Variants in ADAMTSL1 observed in about 807,000 individuals in gnomAD.
ADAMTSL1 encodes ADAMTS like 1, also known as ADAMTS-like protein 1.
Under a neutral mutation model 201.8 loss-of-function variants are expected in ADAMTSL1, and 126 were observed. The observed-to-expected ratio is 0.62, with a 90% CI of 0.54 to 0.72. ADAMTSL1 has a LOEUF of 0.72. ADAMTSL1 is among the 30% of genes least tolerant of loss of function. The probability of loss-of-function intolerance (pLI) is 0.00; values close to 1 mark genes in which losing one functional copy is unlikely to be tolerated. For missense variants in ADAMTSL1, 2,679 were observed against 2,277.8 expected (o/e 1.18, Z -3.59); for synonymous variants, 1,121 against 903.4 (o/e 1.24, Z -4.32).
At position 17,986,478 on chromosome 9, in the gene ADAMTSL1, T is replaced by C. The variant is rs566047919; in HGVS notation, c.87+79556T>C. ...GTGGAAGAAAACTCAATGTGAACAA[T>C]TATCAGAAAGAAGAATGATCTGTAA... On this transcript the variant is annotated intron_variant, in intron 1 of 29. Transcript: ENST00000680146. Among the ~76,000 whole-genome samples the C allele has an allele frequency of 1.5e-3, 228 of 152,158 alleles. 2 individuals carry two copies. The highest frequency in any genetic ancestry group is 6.8e-3 in the Middle Eastern group (2 of 294).
At chr9:18,038,554 G>T (rs981699477) in intron 1 of ADAMTSL1, among the ~76,000 whole-genome samples, 2 of 152,130 alleles carry the variant, frequency 1.3e-5, no homozygotes, top group African/African-American at 4.8e-5. Flanking sequence ...TGTATCTTTT[G>T]TGTCTGCTAT....
intron 1 of ADAMTSL1, among the ~76,000 whole-genome samples, chr9:18,018,089 A>G (rs1000776713): frequency 5.3e-5 from 8 of 152,076 alleles, no homozygotes; most frequent in Non-Finnish European, 1.0e-4. Context: ...GTAAAAAGAA[A>G]CTACACATAT....
intron 2 of ADAMTSL1, among the ~76,000 whole-genome samples, chr9:18,283,913 G>C (rs1349105132): frequency 8.9e-5 from 1 of 11,186 alleles, no homozygotes; most frequent in African/African-American, 3.9e-4. Context: ...GCAAGACTCC[G>C]TCTAAAAAAA....
At chr9:18,346,686 T>C (rs903137590) in intron 2 of ADAMTSL1, among the ~76,000 whole-genome samples, 1 of 152,182 alleles carries the variant, frequency 6.6e-6, no homozygotes, top group Non-Finnish European at 1.5e-5. Flanking sequence ...GCTAGTTGGA[T>C]TCTTTCCTTT....
chr9:18,211,358 G>A (rs993316687), intron 2 of ADAMTSL1, among the ~76,000 whole-genome samples: 1 of 152,082 alleles, frequency 6.6e-6, no homozygotes, highest in African/African-American at 2.4e-5. Flanking sequence ...TTCTACAGAT[G>A]TGAGTCTCAA....
At chr9:18,158,482 C>T (rs1048410124) in intron 1 of ADAMTSL1, among the ~76,000 whole-genome samples, 1 of 151,894 alleles carries the variant, frequency 6.6e-6, no homozygotes, top group African/African-American at 2.4e-5. Context: ...CCCATCCCCA[C>T]CTTGACATTT....
At chr9:18,398,310 A>G (rs1050540316) in intron 2 of ADAMTSL1, among the ~76,000 whole-genome samples, 2 of 152,194 alleles carry the variant, frequency 1.3e-5, no homozygotes, top group Non-Finnish European at 2.9e-5. Context: ...ATGAGGTCAT[A>G]TTGAGTAAAA....
At chr9:18,540,139 G>C (rs1217326984) in intron 3 of ADAMTSL1, among the ~76,000 whole-genome samples, 2 of 152,170 alleles carry the variant, frequency 1.3e-5, no homozygotes, top group African/African-American at 4.8e-5. Flanking sequence ...CTGAAAAATG[G>C]AAGTAGAGTC....
In ADAMTSL1 at chr9:18,662,218, G is replaced by A. The variant is rs546597555; in HGVS notation, c.1085+145G>A. On this transcript the variant is annotated intron_variant, in intron 9 of 28. Transcript: ENST00000380548. ...CTGTCCAGTGTTCATTACTAATCAC[G>A]TGTTATTAGTACCCATACTCCTTGC... is the stretch of plus-strand genomic sequence containing the variant. 3.2e-5 allele frequency: 35 copies of A among 1,081,398 alleles called. 1 individual carries two copies. In the Middle Eastern group the frequency reaches 1.9e-3, roughly 59 times the overall value. The allele number at this position is 1,081,398 out of a possible 1,614,324, so 67.0% of individuals were successfully genotyped here. A position where few individuals can be genotyped will look rare whatever the true frequency, so the allele number is the denominator to read the frequency against.
In ADAMTSL1 at chr9:18,337,797, T is replaced by C. The variant is rs375048729; in HGVS notation, c.208-167032T>C. On this transcript the variant is annotated intron_variant, in intron 2 of 29. Coordinates refer to the ADAMTSL1 transcript ENST00000680146. The stretch of plus-strand genomic sequence containing the variant: ...ATTCCTTCTGGGTTATCCACTGTGA[T>C]TGTATCTTCAAAGAGAGACATCTGG... Among the ~76,000 whole-genome samples the C allele has an allele frequency of 7.2e-5, 11 of 152,316 alleles. 1 individual carries two copies. The East Asian group carries it at 1.5e-3, about 21-fold the overall frequency.
chr9:18,364,979 C>T (rs912999163), intron 2 of ADAMTSL1, among the ~76,000 whole-genome samples: 1 of 152,128 alleles, frequency 6.6e-6, no homozygotes, highest in Non-Finnish European at 1.5e-5. Context: ...ACCTCCAACA[C>T]CGGGGATTAC....
intron 2 of ADAMTSL1, among the ~76,000 whole-genome samples, chr9:18,428,257 C>T (rs1819316038): frequency 6.6e-6 from 1 of 151,810 alleles, no homozygotes; most frequent in African/African-American, 2.4e-5. Context: ...CTCTTGTTTA[C>T]CAATAAAAAA....
intron 3 of ADAMTSL1, among the ~76,000 whole-genome samples, chr9:18,573,610 G>T (rs1031397440): frequency 6.6e-6 from 1 of 152,076 alleles, no homozygotes; most frequent in Admixed American, 6.5e-5. Context: ...ATAAACAATT[G>T]TCATAGCTCT....
intron 1 of ADAMTSL1, among the ~76,000 whole-genome samples, chr9:18,500,958 A>G (rs113797990): frequency 2.4e-4 from 37 of 152,342 alleles, no homozygotes; most frequent in African/African-American, 8.2e-4. Context: ...ACTATGTTCA[A>G]TAGCATCCAT....
intron 9 of ADAMTSL1, 114 bp downstream of exon 9, chr9:18,662,187 G>A (rs1476431422): frequency 1.1e-5 from 15 of 1,347,946 alleles, no homozygotes; most frequent in Non-Finnish European, 1.5e-5. Flanking sequence ...AACATCAATA[G>A]TGTTGCTGTC....
chr9:18,848,659 C>G (rs1352450757), intron 23 of ADAMTSL1, among the ~76,000 whole-genome samples: 1 of 152,220 alleles, frequency 6.6e-6, no homozygotes, highest in Non-Finnish European at 1.5e-5. Flanking sequence ...TGATCACTCT[C>G]TGCTGACTTC....
At chr9:18,165,513 T>C (rs1827592738) in intron 2 of ADAMTSL1, among the ~76,000 whole-genome samples, 1 of 151,916 alleles carries the variant, frequency 6.6e-6, no homozygotes, top group Non-Finnish European at 1.5e-5. Flanking sequence ...TCCATGCTGT[T>C]GAATTTCCTC....
chr9:18,734,972 C>A (rs777449488), intron 15 of ADAMTSL1, among the ~76,000 whole-genome samples: 1 of 152,132 alleles, frequency 6.6e-6, no homozygotes, highest in Non-Finnish European at 1.5e-5. Flanking sequence ...TGTCCTGTAA[C>A]CACATAATGC....
In ADAMTSL1 at chr9:17,986,976, A is replaced by G. The variant is rs145892581; in HGVS notation, c.87+80054A>G. Among the ~76,000 whole-genome samples, 416 of 152,238 alleles carry G rather than the reference A, an allele frequency of 2.7e-3. 1 individual carries two copies. The highest frequency in any genetic ancestry group is 9.1e-3 in the African/African-American group (378 of 41,564). ...GCCATTTTAGTGTTTTATGAGTCAG[A>G]TAATAGAAATCCTGAAATTAAGTAC... On this transcript the variant is annotated intron_variant, in intron 1 of 29. Coordinates refer to the ADAMTSL1 transcript ENST00000680146.
Sources: allele counts gnomAD v4.1 joint callset (sites outside exome capture counted in the v4.1 genomes callset), GRCh38; gene constraint gnomAD v4.1.1; transcripts MANE v1.5; gene names NCBI Gene and HGNC (gene_info 2026-07-23, HGNC 2026-07-21).